The following CPPED1 variants were observed in gnomAD, a reference collection of about 807,000 sequenced individuals.
CPPED1 encodes serine/threonine-protein phosphatase CPPED1.
CPPED1 carries 28 observed loss-of-function variants against 28.0 expected under a neutral mutation model. The observed-to-expected ratio is 1.00, with a 90% CI of 0.74 to 1.37. CPPED1 has a LOEUF of 1.37. Ranked by LOEUF, CPPED1 falls within the 40% of genes most tolerant of loss-of-function variation. The pLI, the probability that CPPED1 is intolerant of heterozygous loss-of-function variation, is 0.00. For missense variants in CPPED1, 504 were observed against 416.5 expected, an observed-to-expected ratio of 1.21 and a Z score of -1.83; for synonymous variants, 198 against 180.2, an observed-to-expected ratio of 1.10 and a Z score of -0.79.
At position 12,661,948 on chromosome 16, in the gene CPPED1, T is replaced by C. The variant is rs577933366; in HGVS notation, c.*2938A>G. 1.3e-5 allele frequency: 2 copies of C among 152,476 alleles called. No individual in the cohort carries two copies. Among genetic ancestry groups the C allele is most frequent in the East Asian group, 3.9e-4 (2 of 5,190 alleles). 9.4% of individuals were successfully genotyped at this position (152,476 alleles called of 1,614,324 possible). Reference sequence around the variant, plus strand: ...CCGTACTCAGTGTGTTGCCACTGGCTGAGCTGGTGCAACCTTTCACCTCTG... The same window carrying C: ...CCGTACTCAGTGTGTTGCCACTGGCCGAGCTGGTGCAACCTTTCACCTCTG... On this transcript the variant is annotated 3_prime_UTR_variant, in exon 4 of 4. Coordinates refer to ENST00000381774, the MANE Select transcript of CPPED1 (RefSeq NM_018340.3).
chr16:12,761,817 C>A (rs923340947), intron 2 of CPPED1, among the ~76,000 whole-genome samples: 1 of 152,144 alleles, frequency 6.6e-6, no homozygotes, highest in Non-Finnish European at 1.5e-5. Flanking sequence ...TCGAGACCAG[C>A]TTGGCCAACA....
intron 2 of CPPED1, among the ~76,000 whole-genome samples, chr16:12,746,373 CAAA>C (rs71142518): frequency 9.5e-6 from 1 of 105,550 alleles, no homozygotes; most frequent in African/African-American, 3.8e-5. Context: ...GACTCTGACT[CAAA>C]AAAAAAAAAA....
chr16:12,769,756 C>G (rs1289498749), intron 2 of CPPED1, among the ~76,000 whole-genome samples: 1 of 152,152 alleles, frequency 6.6e-6, no homozygotes, highest in Non-Finnish European at 1.5e-5. Context: ...GCTGGAAAAT[C>G]TGAGCACAGA....
intron 1 of CPPED1, among the ~76,000 whole-genome samples, chr16:12,785,908 C>G (rs1033391468): frequency 6.6e-6 from 1 of 150,674 alleles, no homozygotes; most frequent in Non-Finnish European, 1.5e-5. Context: ...CTGAAGCACT[C>G]TGAGTATGAC....
intron 2 of CPPED1, among the ~76,000 whole-genome samples, chr16:12,717,607 T>G (rs1044414190): frequency 6.6e-6 from 1 of 151,760 alleles, no homozygotes; most frequent in Non-Finnish European, 1.5e-5. Context: ...AATACTTGTG[T>G]TGAAATAGAG....
At chr16:12,744,290 G>GAA (rs1555488294) in intron 2 of CPPED1, among the ~76,000 whole-genome samples, 2 of 111,110 alleles carry the variant, frequency 1.8e-5, no homozygotes, top group East Asian at 5.3e-4. Context: ...GAGAGAGAGA[G>GAA]AGAGAGAAAG....
At chr16:12,773,369 A>C (rs946053107) in intron 2 of CPPED1, among the ~76,000 whole-genome samples, 5 of 152,246 alleles carry the variant, frequency 3.3e-5, no homozygotes, top group African/African-American at 1.2e-4. Context: ...CACCATTATC[A>C]GTTAAAAGGA....
chr16:12,794,416 A>C (rs2080614469), intron 1 of CPPED1, among the ~76,000 whole-genome samples: 1 of 151,962 alleles, frequency 6.6e-6, no homozygotes, highest in Non-Finnish European at 1.5e-5. Flanking sequence ...ACAGTTGTTA[A>C]AGGAAAAAAA....
At chr16:12,688,901 A>T (rs1239906525) in intron 3 of CPPED1, among the ~76,000 whole-genome samples, 2 of 152,228 alleles carry the variant, frequency 1.3e-5, no homozygotes, top group African/African-American at 2.4e-5. Flanking sequence ...AAAACACGAC[A>T]CACAGTCACA....
intron 2 of CPPED1, among the ~76,000 whole-genome samples, chr16:12,719,984 T>G (rs967681257): frequency 5.9e-5 from 9 of 152,014 alleles, no homozygotes; most frequent in Non-Finnish European, 5.9e-5. Flanking sequence ...GTACGTTAAT[T>G]ATATGTCCAT....
chr16:12,797,647 C>G (rs145116040), intron 1 of CPPED1, among the ~76,000 whole-genome samples: 2 of 152,074 alleles, frequency 1.3e-5, no homozygotes, highest in Admixed American at 6.5e-5. Flanking sequence ...TGGGCCACAA[C>G]GGAAGAACTG....
rs761468436 is a variant in CPPED1, at chr16:12,792,524, C to G, written c.71-11121G>C. Among the ~76,000 whole-genome samples the G allele has an allele frequency of 2.6e-5, 4 of 152,212 alleles. No individual in the cohort carries two copies. In the Middle Eastern group the frequency reaches 0.014, roughly 518 times the overall value. On this transcript the variant is annotated intron_variant, in intron 1 of 3. Coordinates refer to ENST00000381774, the MANE Select transcript of CPPED1 (RefSeq NM_018340.3). ...TGTTTAAGACATACCACAGGAATCC[C>G]CCCAGATAGACCACTATCTGCTTCT... is the stretch of plus-strand genomic sequence containing the variant.
At chr16:12,736,359 C>A (rs1051624735) in intron 2 of CPPED1, among the ~76,000 whole-genome samples, 15 of 151,812 alleles carry the variant, frequency 9.9e-5, no homozygotes, top group Non-Finnish European at 1.8e-4. Context: ...GATTCTCATA[C>A]CTCCCGGGTA....
intron 1 of CPPED1, among the ~76,000 whole-genome samples, chr16:12,801,854 G>C (rs1387282334): frequency 6.6e-6 from 1 of 152,076 alleles, no homozygotes; most frequent in African/African-American, 2.4e-5. Flanking sequence ...TAGAAAAGCA[G>C]AACCACTGCC....
chr16:12,722,390 C>T (rs2080146210), intron 2 of CPPED1, among the ~76,000 whole-genome samples: 1 of 152,234 alleles, frequency 6.6e-6, no homozygotes, highest in African/African-American at 2.4e-5. Flanking sequence ...AGACGAATGA[C>T]AGTTTGCAAT....
intron 2 of CPPED1, among the ~76,000 whole-genome samples, chr16:12,721,250 G>T (rs1461805893): frequency 6.6e-6 from 1 of 152,086 alleles, no homozygotes; most frequent in African/African-American, 2.4e-5. Flanking sequence ...GTACTTACCT[G>T]CCAAGCCCAA....
intron 2 of CPPED1, among the ~76,000 whole-genome samples, chr16:12,744,939 A>T (rs2080277737): frequency 6.6e-6 from 1 of 152,188 alleles, no homozygotes. Flanking sequence ...GTGAGCTGAG[A>T]TCACACTACT....
chr16:12,749,022 C>G (rs955377873), intron 2 of CPPED1, among the ~76,000 whole-genome samples: 12 of 151,734 alleles, frequency 7.9e-5, no homozygotes, highest in African/African-American at 2.7e-4. Context: ...TAGTAGAGGG[C>G]CTTGCCTTGA....
At chr16:12,772,883 T>C (rs1416222663) in intron 2 of CPPED1, among the ~76,000 whole-genome samples, 2 of 152,178 alleles carry the variant, frequency 1.3e-5, no homozygotes, top group African/African-American at 2.4e-5. Flanking sequence ...TATTAAACAA[T>C]ACTTCAAGCT....
Sources: allele counts gnomAD v4.1 joint callset (sites outside exome capture counted in the v4.1 genomes callset), GRCh38; gene constraint gnomAD v4.1.1; transcripts MANE v1.5; gene names NCBI Gene and HGNC (gene_info 2026-07-23, HGNC 2026-07-21).